FAT3: variants seen among roughly 807,000 people sequenced by gnomAD.
The protein encoded by FAT3 is FAT atypical cadherin 3, also known as protocadherin Fat 3.
In FAT3, 95 loss-of-function variants were observed where a neutral mutation model predicts 310.2. The ratio of observed to expected loss-of-function variants is 0.31; its 90% CI spans 0.26 to 0.36. The LOEUF is 0.36. FAT3 is among the 10% of genes least tolerant of loss of function. The pLI is 1.00. For missense variants in FAT3, 5,408 were observed against 5,715.6 expected, an observed-to-expected ratio of 0.95 and a Z score of 1.74; for synonymous variants, 2,314 against 2,192.9, an observed-to-expected ratio of 1.06 and a Z score of -1.54.
At chr11:92,783,163 GC>G (rs1478991144) in intron 7 of FAT3, among the ~76,000 whole-genome samples, 1 of 151,630 alleles carries the variant, frequency 6.6e-6, no homozygotes, top group African/African-American at 2.4e-5. Flanking sequence ...TTCGAGACCA[GC>G]CTGGCCAACA....
At chr11:92,323,034 G>T (rs528739356) in intron 1 of FAT3, among the ~76,000 whole-genome samples, 3 of 151,998 alleles carry the variant, frequency 2.0e-5, no homozygotes, top group East Asian at 3.9e-4. Flanking sequence ...CATTATATAT[G>T]GCAACTATAG....
At chr11:92,760,438 G>T (rs555015755) in intron 4 of FAT3, among the ~76,000 whole-genome samples, 32 of 152,232 alleles carry the variant, frequency 2.1e-4, no homozygotes, top group African/African-American at 7.2e-4. Context: ...TTCTCCTATT[G>T]ATGTTGAGCG....
intron 2 of FAT3, among the ~76,000 whole-genome samples, chr11:92,423,115 G>A (rs1950563906): frequency 6.6e-6 from 1 of 152,098 alleles, no homozygotes; most frequent in Admixed American, 6.6e-5. Context: ...ATAGGCAGAG[G>A]AAAATCTCTG....
chr11:92,324,614 G>A (rs1317297953), intron 1 of FAT3, among the ~76,000 whole-genome samples: 2 of 152,152 alleles, frequency 1.3e-5, no homozygotes, highest in Admixed American at 1.3e-4. Flanking sequence ...CACCCTAACA[G>A]ATATAATATG....
At chr11:92,502,145 A>T (rs1030904595) in intron 2 of FAT3, among the ~76,000 whole-genome samples, 1 of 152,122 alleles carries the variant, frequency 6.6e-6, no homozygotes, top group Non-Finnish European at 1.5e-5. Flanking sequence ...GGCCGGCAGC[A>T]AGGCAAGAAA....
intron 3 of FAT3, among the ~76,000 whole-genome samples, chr11:92,620,283 C>G (rs1355814870): frequency 2.0e-5 from 3 of 152,092 alleles, no homozygotes; most frequent in Non-Finnish European, 2.9e-5. Flanking sequence ...ATGGTCTATC[C>G]TGAAGAATGT....
chr11:92,338,500 T>A (rs1446127803), intron 1 of FAT3, among the ~76,000 whole-genome samples: 1 of 152,052 alleles, frequency 6.6e-6, no homozygotes, highest in African/African-American at 2.4e-5. Context: ...AGCCGCTGCC[T>A]CGTAAACCAT....
chr11:92,847,172 G>A (rs146667828), intron 19 of FAT3, among the ~76,000 whole-genome samples: 73 of 152,316 alleles, frequency 4.8e-4, no homozygotes, highest in Admixed American at 4.1e-3. Context: ...GCATAACAAC[G>A]TTTCATCAAC....
intron 2 of FAT3, among the ~76,000 whole-genome samples, chr11:92,511,159 G>T: frequency 6.6e-6 from 1 of 152,178 alleles, no homozygotes; most frequent in South Asian, 2.1e-4. Context: ...CTCCATTTGC[G>T]TTCTAGGTAG....
Position 92,806,452 on chromosome 11 carries a change from G to A in FAT3, c.9184G>A (p.Gly3062Arg). Residue 3062 changes from glycine to arginine, a missense_variant, in exon 12 of 28, where the codon GGA (glycine) becomes AGA (arginine). This residue lies in a region of FAT3 where 4,588 missense variants were observed against 4,809.8 expected (regional missense o/e 0.95). Coordinates refer to ENST00000525166, the MANE Select transcript of FAT3 (RefSeq NM_001367949.2). ...AAAGGATGCTGATATTGGATCCAAT[G>A]GATATATACGATACTCACTCTATGG... ...SAKDADIGSN[G>R]YIRYSLYGSG... 1 of 1,578,728 alleles carries A rather than the reference G, an allele frequency of 6.3e-7. No homozygotes were observed. The highest frequency in any genetic ancestry group is 8.6e-7 in the Non-Finnish European group (1 of 1,160,390).
chr11:92,559,094 A>G (rs1955125890), intron 3 of FAT3, among the ~76,000 whole-genome samples: 1 of 152,182 alleles, frequency 6.6e-6, no homozygotes, highest in Non-Finnish European at 1.5e-5. Flanking sequence ...ATAATATAGT[A>G]TTTAAAACAT....
chr11:92,464,200 T>C (rs1320813007), intron 2 of FAT3, among the ~76,000 whole-genome samples: 1 of 152,186 alleles, frequency 6.6e-6, no homozygotes, highest in East Asian at 1.9e-4. Flanking sequence ...GATTGTCCTT[T>C]AACATTCCCC....
At chr11:92,644,487 C>T (rs1354089049) in intron 3 of FAT3, among the ~76,000 whole-genome samples, 1 of 141,910 alleles carries the variant, frequency 7.0e-6, no homozygotes, top group Non-Finnish European at 1.5e-5. Flanking sequence ...TACCACCCCG[C>T]CCCCCCGATA....
At chr11:92,630,776 G>T (rs1941528892) in intron 3 of FAT3, among the ~76,000 whole-genome samples, 1 of 152,066 alleles carries the variant, frequency 6.6e-6, no homozygotes, top group Admixed American at 6.5e-5. Flanking sequence ...GTTCTCCCAG[G>T]TATATAGCAG....
At chr11:92,663,834 C>G (rs953797684) in intron 3 of FAT3, among the ~76,000 whole-genome samples, 4 of 152,288 alleles carry the variant, frequency 2.6e-5, no homozygotes, top group Non-Finnish European at 5.9e-5. Context: ...TTTCATGTGA[C>G]TGCCAGTTAT....
chr11:92,691,563 A>G (rs780458744), intron 3 of FAT3, among the ~76,000 whole-genome samples: 11 of 151,872 alleles, frequency 7.2e-5, no homozygotes, highest in Non-Finnish European at 1.3e-4. Context: ...ATTATTATTA[A>G]AGAGATAGGG....
At chr11:92,346,633 T>C (rs925221249) in intron 1 of FAT3, among the ~76,000 whole-genome samples, 6 of 152,192 alleles carry the variant, frequency 3.9e-5, no homozygotes, top group Non-Finnish European at 7.3e-5. Flanking sequence ...ATTTACTATG[T>C]GCCGGACACT....
chr11:92,326,449 A>T (rs1947766780), intron 1 of FAT3, among the ~76,000 whole-genome samples: 1 of 152,224 alleles, frequency 6.6e-6, no homozygotes, highest in Non-Finnish European at 1.5e-5. Context: ...TGAATTGAAC[A>T]CACTTAATGT....
chr11:92,268,469 CCT>C, intron 1 of FAT3, among the ~76,000 whole-genome samples: 1 of 145,064 alleles, frequency 6.9e-6, no homozygotes, highest in South Asian at 2.2e-4. Flanking sequence ...GTATAGATTT[CCT>C]TTTTTTTTTT....
Sources: allele counts gnomAD v4.1 joint callset (sites outside exome capture counted in the v4.1 genomes callset), GRCh38; gene constraint gnomAD v4.1.1; regional missense constraint gnomAD v4.1.1; transcripts MANE v1.5; gene names NCBI Gene and HGNC (gene_info 2026-07-23, HGNC 2026-07-21).